The following L3MBTL4 variants were observed in gnomAD, a reference collection of about 807,000 sequenced individuals.
L3MBTL4 encodes lethal(3)malignant brain tumor-like protein 4.
L3MBTL4 carries 70 observed loss-of-function variants against 84.5 expected under a neutral mutation model. That is an observed-to-expected ratio of 0.83 (90% confidence interval 0.68 to 1.01). L3MBTL4 has a LOEUF of 1.01. Among genes scored for constraint, L3MBTL4 ranks in the 50% least tolerant of loss-of-function variants. The pLI is 0.00. For missense variants in L3MBTL4, 715 were observed against 754.8 expected (o/e 0.95, Z 0.62); for synonymous variants, 274 against 259.8 (o/e 1.05, Z -0.52).
chr18:6,209,366 G>A (rs2046003363), intron 12 of L3MBTL4, among the ~76,000 whole-genome samples: 2 of 148,664 alleles, frequency 1.3e-5, no homozygotes, highest in South Asian at 4.3e-4. Flanking sequence ...TCTTAGCCGG[G>A]ATATTATTAC....
rs768675145 is a variant in L3MBTL4 at position 6,012,658 on chromosome 18, C to T, written c.1445-43096G>A. ...TGGGCAACATAGTGAGACCTTGTCT[C>T]TACAAAATTAAAAAAAAAAAAAATT... On this transcript the variant is annotated intron_variant, in intron 16 of 18. Transcript: ENST00000317931. Among the ~76,000 whole-genome samples the T allele has an allele frequency of 8.4e-5, 10 of 118,372 alleles. 1 individual carries two copies. In the Middle Eastern group the frequency reaches 0.014, roughly 160 times the overall value. 77.7% of individuals were successfully genotyped at this position (118,372 alleles called of 152,430 possible). A position where few individuals can be genotyped will look rare whatever the true frequency, so the allele number is the denominator to read the frequency against.
At chr18:5,966,346 T>C (rs1054283630) in intron 17 of L3MBTL4, among the ~76,000 whole-genome samples, 1 of 152,112 alleles carries the variant, frequency 6.6e-6, no homozygotes, top group African/African-American at 2.4e-5. Flanking sequence ...TTTTTCCAAA[T>C]TCCCTGAGGC....
At chr18:6,016,103 G>A (rs2054965265) in intron 16 of L3MBTL4, among the ~76,000 whole-genome samples, 1 of 152,224 alleles carries the variant, frequency 6.6e-6, no homozygotes, top group South Asian at 2.1e-4. Context: ...GACAGAGCAA[G>A]GGAAATACTC....
chr18:6,319,599 A>C (rs2051299591), intron 1 of L3MBTL4, among the ~76,000 whole-genome samples: 1 of 152,106 alleles, frequency 6.6e-6, no homozygotes, highest in Non-Finnish European at 1.5e-5. Flanking sequence ...AGAAACCTTG[A>C]ACAGACCAGT....
chr18:6,203,010 C>T (rs762404485), intron 12 of L3MBTL4, among the ~76,000 whole-genome samples: 1 of 152,160 alleles, frequency 6.6e-6, no homozygotes, highest in Admixed American at 6.5e-5. Flanking sequence ...ATTAAAATCA[C>T]CTGGGAGAGC....
At chr18:6,345,942 T>C in intron 1 of L3MBTL4, among the ~76,000 whole-genome samples, 1 of 150,184 alleles carries the variant, frequency 6.7e-6, no homozygotes, top group East Asian at 1.9e-4. Context: ...TCTATAATAA[T>C]CATAAAGTAT....
chr18:6,389,256 G>A (rs901611770), intron 1 of L3MBTL4, among the ~76,000 whole-genome samples: 8 of 152,168 alleles, frequency 5.3e-5, no homozygotes, highest in South Asian at 4.2e-4. Context: ...GAGGGAATTC[G>A]TCACTACCAG....
chr18:6,009,901 G>A (rs2054657878), intron 16 of L3MBTL4, among the ~76,000 whole-genome samples: 1 of 147,902 alleles, frequency 6.8e-6, no homozygotes, highest in Non-Finnish European at 1.5e-5. Context: ...CCTTAAATGA[G>A]ACTACAAACA....
intron 16 of L3MBTL4, among the ~76,000 whole-genome samples, chr18:5,995,270 T>C (rs1438958709): frequency 6.6e-6 from 1 of 152,240 alleles, no homozygotes; most frequent in Non-Finnish European, 1.5e-5. Context: ...GTTGATTAAA[T>C]CTGAACATTC....
intron 16 of L3MBTL4, chr18:6,031,691 G>A: frequency 1.0e-6 from 1 of 985,022 alleles, no homozygotes; most frequent in Non-Finnish European, 1.2e-6. Flanking sequence ...GTCAGCCCCA[G>A]CACGGCTTCA....
chr18:6,040,610 T>C (rs999613904), intron 16 of L3MBTL4, among the ~76,000 whole-genome samples: 1 of 152,156 alleles, frequency 6.6e-6, no homozygotes, highest in South Asian at 2.1e-4. Flanking sequence ...GACAAGTACA[T>C]AAACCTAAAT....
At chr18:6,209,022 C>T (rs2045986579) in intron 12 of L3MBTL4, among the ~76,000 whole-genome samples, 1 of 152,132 alleles carries the variant, frequency 6.6e-6, no homozygotes, top group Admixed American at 6.6e-5. Context: ...GGTCCTATCC[C>T]CCAGCACTGA....
intron 15 of L3MBTL4, among the ~76,000 whole-genome samples, chr18:6,091,012 TAA>T (rs1005083837): frequency 2.0e-4 from 31 of 152,228 alleles, no homozygotes; most frequent in African/African-American, 7.5e-4. Flanking sequence ...AGCAGCCAAG[TAA>T]AAGTTATTTC....
intron 1 of L3MBTL4, among the ~76,000 whole-genome samples, chr18:6,356,330 T>C (rs2143891659): frequency 6.6e-6 from 1 of 152,362 alleles, no homozygotes; most frequent in Middle Eastern, 3.4e-3. Flanking sequence ...AGTTACGGCA[T>C]TCTGCCAAAC....
chr18:6,107,277 A>G (rs2059041676), intron 14 of L3MBTL4, among the ~76,000 whole-genome samples: 2 of 152,148 alleles, frequency 1.3e-5, no homozygotes, highest in Non-Finnish European at 2.9e-5. Context: ...GACAGAGCCA[A>G]TGGGCTGAGG....
At chr18:6,053,569 G>C (rs949621844) in intron 16 of L3MBTL4, among the ~76,000 whole-genome samples, 1 of 152,200 alleles carries the variant, frequency 6.6e-6, no homozygotes, top group Non-Finnish European at 1.5e-5. Flanking sequence ...TTAATGGCCT[G>C]TTCACTAATA....
chr18:6,000,311 TA>T (rs1336224860), intron 16 of L3MBTL4, among the ~76,000 whole-genome samples: 6 of 151,564 alleles, frequency 4.0e-5, no homozygotes, highest in African/African-American at 1.5e-4. Flanking sequence ...AGGAAGAAAA[TA>T]AAGTAGAAAT....
chr18:6,275,974 C>T (rs1249874457), intron 4 of L3MBTL4, among the ~76,000 whole-genome samples: 1 of 152,196 alleles, frequency 6.6e-6, no homozygotes, highest in African/African-American at 2.4e-5. Flanking sequence ...CCACATACCT[C>T]CCTCACAATT....
chr18:6,372,783 T>C (rs2054208044), intron 1 of L3MBTL4, among the ~76,000 whole-genome samples: 1 of 152,260 alleles, frequency 6.6e-6, no homozygotes, highest in African/African-American at 2.4e-5. Flanking sequence ...GTGTTTTCTT[T>C]GTGATCATTT....
Sources: gnomAD v4.1 joint callset for allele counts (sites outside exome capture counted in the v4.1 genomes callset) on GRCh38, gnomAD v4.1.1 for gene constraint, MANE v1.5 for transcripts, NCBI Gene and HGNC (gene_info 2026-07-23, HGNC 2026-07-21) for gene names.